CCDC7: variants seen among roughly 807,000 people sequenced by gnomAD.
CCDC7 encodes coiled-coil domain-containing protein 7.
CCDC7 carries 183 observed loss-of-function variants against 196.9 expected under a neutral mutation model. The ratio of observed to expected loss-of-function variants is 0.93; its 90% CI spans 0.82 to 1.05. The LOEUF (loss-of-function observed/expected upper bound fraction) is 1.05, where lower values mean the gene tolerates loss of function less well. CCDC7 is among the 50% of genes least tolerant of loss of function. CCDC7 has a pLI of 0.00. For missense variants in CCDC7, 1,540 were observed against 1,482.2 expected, an observed-to-expected ratio of 1.04 and a Z score of -0.64; for synonymous variants, 525 against 484.6, an observed-to-expected ratio of 1.08 and a Z score of -1.10.
intron 24 of CCDC7, among the ~76,000 whole-genome samples, chr10:32,697,506 C>T (rs539314207): frequency 5.9e-4 from 90 of 152,326 alleles, no homozygotes; most frequent in African/African-American, 1.9e-3. Flanking sequence ...TAGCAAAAGG[C>T]GCACCAGGAG....
chr10:32,847,849 C>T, exon 38 of CCDC7: 1 of 1,610,044 alleles, frequency 6.2e-7, no homozygotes, highest in Non-Finnish European at 8.5e-7. Context: ...ATGTAGAACC[C>T]TTGACAAATG....
At chr10:32,521,380 A>G (rs1314081158) in intron 11 of CCDC7, among the ~76,000 whole-genome samples, 2 of 151,896 alleles carry the variant, frequency 1.3e-5, no homozygotes, top group Admixed American at 6.6e-5. Context: ...AATTTCTTTC[A>G]TCAGTGTTTT....
intron 11 of CCDC7, among the ~76,000 whole-genome samples, chr10:32,528,658 A>G (rs1268419173): frequency 6.8e-6 from 1 of 147,100 alleles, no homozygotes; most frequent in Non-Finnish European, 1.5e-5. Flanking sequence ...GTGTATATAT[A>G]TATACACACA....
At chr10:32,784,474 G>A (rs548092824) in intron 29 of CCDC7, among the ~76,000 whole-genome samples, 2 of 152,240 alleles carry the variant, frequency 1.3e-5, no homozygotes, top group East Asian at 1.9e-4. Flanking sequence ...GGGAATATGC[G>A]GTGTTTGGTT....
chr10:32,676,931 T>A (rs954896837), intron 21 of CCDC7, among the ~76,000 whole-genome samples: 6 of 152,136 alleles, frequency 3.9e-5, no homozygotes, highest in South Asian at 2.1e-4. Flanking sequence ...ATATATTTAT[T>A]GCGGCACTAT....
chr10:32,804,857 T>G (rs1176013897), intron 29 of CCDC7, among the ~76,000 whole-genome samples, 158 bp from the exon 31 acceptor site: 1 of 152,138 alleles, frequency 6.6e-6, no homozygotes, highest in Non-Finnish European at 1.5e-5. Flanking sequence ...CCACTCCTAA[T>G]GTTTAGTGAT....
chr10:32,640,870 T>TTTTTC (rs779754181), intron 20 of CCDC7, among the ~76,000 whole-genome samples: 1 of 76,620 alleles, frequency 1.3e-5, no homozygotes, highest in Non-Finnish European at 3.6e-5. Flanking sequence ...TTTTCTTTTT[T>TTTTTC]TTTTTCTTTT....
intron 8 of CCDC7, among the ~76,000 whole-genome samples, chr10:32,479,959 A>G (rs1356915431): frequency 6.6e-6 from 1 of 151,402 alleles, no homozygotes; most frequent in Non-Finnish European, 1.5e-5. Context: ...TCTATGAATT[A>G]TCCAGTTATT....
chr10:32,507,299 C>G (rs2045352099), intron 9 of CCDC7, among the ~76,000 whole-genome samples: 1 of 151,684 alleles, frequency 6.6e-6, no homozygotes, highest in African/African-American at 2.4e-5. Context: ...CCTGTGTGTT[C>G]TTAAAGTTTT....
At chr10:32,679,893 T>C (rs545020264) in intron 21 of CCDC7, among the ~76,000 whole-genome samples, 6 of 152,346 alleles carry the variant, frequency 3.9e-5, no homozygotes, top group Admixed American at 2.6e-4. Context: ...CCTAATCATC[T>C]CTATGTAGAT....
intron 24 of CCDC7, among the ~76,000 whole-genome samples, chr10:32,705,271 G>C (rs1162802289): frequency 6.6e-6 from 1 of 152,130 alleles, no homozygotes; most frequent in Non-Finnish European, 1.5e-5. Context: ...CAAGTAGTGA[G>C]AGATTTTGTC....
At chr10:32,629,622 G>C (rs1012458124) in intron 18 of CCDC7, among the ~76,000 whole-genome samples, 3 of 152,064 alleles carry the variant, frequency 2.0e-5, no homozygotes, top group Non-Finnish European at 4.4e-5. Flanking sequence ...CCTAGCAGTG[G>C]GGGAGACTTT....
chr10:32,505,599 A>G (rs1167685780), intron 9 of CCDC7, among the ~76,000 whole-genome samples: 4 of 151,776 alleles, frequency 2.6e-5, no homozygotes, highest in Non-Finnish European at 4.4e-5. Flanking sequence ...AGACACAGTA[A>G]CAATCTGATC....
intron 29 of CCDC7, among the ~76,000 whole-genome samples, chr10:32,783,090 A>G (rs145577063): frequency 1.7e-3 from 265 of 152,354 alleles, no homozygotes; most frequent in Middle Eastern, 0.014. Context: ...AGCCTTCATG[A>G]CATTGAAGTT....
chr10:32,841,505 A>AG, intron 33 of CCDC7, among the ~76,000 whole-genome samples: 1 of 151,746 alleles, frequency 6.6e-6, no homozygotes, highest in East Asian at 1.9e-4. Context: ...GCTGAAGGAA[A>AG]TCCTAGACGA....
intron 20 of CCDC7, among the ~76,000 whole-genome samples, chr10:32,648,991 G>C (rs2068249559): frequency 6.6e-6 from 1 of 152,198 alleles, no homozygotes; most frequent in Non-Finnish European, 1.5e-5. Context: ...AAAGGAACCA[G>C]ATCATGTCCT....
At chr10:32,527,784 A>C (rs1028451177) in intron 11 of CCDC7, among the ~76,000 whole-genome samples, 2 of 152,202 alleles carry the variant, frequency 1.3e-5, no homozygotes, top group Non-Finnish European at 2.9e-5. Flanking sequence ...AGGAAATTTA[A>C]CATGGCAATT....
chr10:32,772,939 G>T (rs1013447651), intron 28 of CCDC7, among the ~76,000 whole-genome samples: 1 of 152,020 alleles, frequency 6.6e-6, no homozygotes, highest in Admixed American at 6.6e-5. Context: ...GATTCCTTTG[G>T]TTTTCCTGTT....
chr10:32,490,743 A>T (rs990401124), intron 8 of CCDC7, among the ~76,000 whole-genome samples: 1 of 152,150 alleles, frequency 6.6e-6, no homozygotes, highest in African/African-American at 2.4e-5. Flanking sequence ...GCTTGCAGTG[A>T]GCTGAGATCG....
Sources: gnomAD v4.1 joint callset for allele counts (sites outside exome capture counted in the v4.1 genomes callset) on GRCh38, gnomAD v4.1.1 for gene constraint, MANE v1.5 for transcripts, NCBI Gene and HGNC (gene_info 2026-07-23, HGNC 2026-07-21) for gene names.